Variants in SSBP2 observed in about 807,000 individuals in gnomAD.
SSBP2 encodes the protein single stranded DNA binding protein 2.
SSBP2 carries 17 observed loss-of-function variants against 61.8 expected under a neutral mutation model. The observed-to-expected ratio is 0.28, with a 90% CI of 0.19 to 0.41. SSBP2 has a LOEUF of 0.41. Among genes scored for constraint, SSBP2 ranks in the 10% least tolerant of loss-of-function variants. SSBP2 has a pLI of 1.00. For missense variants in SSBP2, 310 were observed against 458.7 expected (o/e 0.68, Z 2.96); for synonymous variants, 139 against 141.3 (o/e 0.98, Z 0.12).
chr5:81,636,451 T>C, intron 3 of SSBP2, 106 bp downstream of exon 3: 4 of 957,370 alleles, frequency 4.2e-6, no homozygotes, highest in Non-Finnish European at 6.0e-6. Context: ...CAGAAAATTT[T>C]AGAAAATGAA....
chr5:81,552,754 G>A (rs1391789858), intron 4 of SSBP2, among the ~76,000 whole-genome samples: 1 of 151,718 alleles, frequency 6.6e-6, no homozygotes, highest in Non-Finnish European at 1.5e-5. Context: ...CAAAAATACA[G>A]TTTTGGATTC....
At chr5:81,440,192 AAAC>A (rs988694712) in intron 14 of SSBP2, among the ~76,000 whole-genome samples, 9 of 147,456 alleles carry the variant, frequency 6.1e-5, no homozygotes, top group South Asian at 4.2e-4. Context: ...TCTAGAGACA[AAAC>A]AACAACAACA....
intron 4 of SSBP2, among the ~76,000 whole-genome samples, chr5:81,517,243 A>G (rs1343681130): frequency 6.6e-6 from 1 of 151,982 alleles, no homozygotes; most frequent in African/African-American, 2.4e-5. Flanking sequence ...ATATAACAAT[A>G]TTATCATTAA....
At chr5:81,510,496 C>T (rs191296137) in intron 5 of SSBP2, among the ~76,000 whole-genome samples, 3 of 152,306 alleles carry the variant, frequency 2.0e-5, no homozygotes, top group Non-Finnish European at 4.4e-5. Context: ...GGCACAGTGG[C>T]TCACGCTTGT....
chr5:81,450,484 C>A (rs1763698494), intron 10 of SSBP2, among the ~76,000 whole-genome samples: 1 of 152,164 alleles, frequency 6.6e-6, no homozygotes, highest in African/African-American at 2.4e-5. Flanking sequence ...AAGATACAAT[C>A]TAATTAGCCT....
chr5:81,612,814 G>A (rs565344213), intron 4 of SSBP2, among the ~76,000 whole-genome samples: 1 of 151,892 alleles, frequency 6.6e-6, no homozygotes, highest in East Asian at 1.9e-4. Flanking sequence ...CATTATAGAA[G>A]TAATTCTGTA....
intron 3 of SSBP2, among the ~76,000 whole-genome samples, chr5:81,630,723 G>T (rs1032503408): frequency 6.7e-6 from 1 of 150,246 alleles, no homozygotes; most frequent in African/African-American, 2.5e-5. Context: ...GAAAAAAATG[G>T]CACATTTAAA....
chr5:81,745,595 G>GT (rs1434521593), intron 1 of SSBP2, among the ~76,000 whole-genome samples: 4 of 152,002 alleles, frequency 2.6e-5, no homozygotes, highest in Non-Finnish European at 5.9e-5. Context: ...TATATAATCT[G>GT]TAATTCCCAC....
chr5:81,697,843 T>C (rs1013025556), intron 1 of SSBP2, among the ~76,000 whole-genome samples: 12 of 152,114 alleles, frequency 7.9e-5, no homozygotes, highest in Non-Finnish European at 1.8e-4. Flanking sequence ...TACTCAAATA[T>C]CCAAATGATG....
chr5:81,498,713 C>G (rs1341352485), intron 5 of SSBP2, among the ~76,000 whole-genome samples: 1 of 151,846 alleles, frequency 6.6e-6, no homozygotes, highest in Admixed American at 6.6e-5. Context: ...TGTTGCTATT[C>G]TATATTTTAC....
At chr5:81,533,014 C>T (rs1770536904) in intron 4 of SSBP2, among the ~76,000 whole-genome samples, 1 of 151,782 alleles carries the variant, frequency 6.6e-6, no homozygotes, top group South Asian at 2.1e-4. Flanking sequence ...AATACTAGAA[C>T]CAATCTCTAC....
chr5:81,623,790 T>C (rs1254692329), intron 3 of SSBP2, among the ~76,000 whole-genome samples: 1 of 152,190 alleles, frequency 6.6e-6, no homozygotes, highest in Admixed American at 6.5e-5. Context: ...CTTATAATAG[T>C]AACATTGTTC....
intron 4 of SSBP2, among the ~76,000 whole-genome samples, chr5:81,609,827 T>C (rs2153583944): frequency 6.6e-6 from 1 of 152,292 alleles, no homozygotes; most frequent in Non-Finnish European, 1.5e-5. Context: ...GTCTTTGTTT[T>C]AACCTTTTTT....
chr5:81,436,621 G>C (rs1274762460), intron 15 of SSBP2, among the ~76,000 whole-genome samples: 1 of 151,938 alleles, frequency 6.6e-6, no homozygotes, highest in Non-Finnish European at 1.5e-5. Flanking sequence ...ATTAGAAATA[G>C]AATTTCAAAA....
intron 1 of SSBP2, among the ~76,000 whole-genome samples, chr5:81,676,766 T>G (rs140052101): frequency 6.6e-6 from 1 of 152,142 alleles, no homozygotes; most frequent in Non-Finnish European, 1.5e-5. Flanking sequence ...TGACTGAGTA[T>G]AGTAGCTAGT....
intron 5 of SSBP2, among the ~76,000 whole-genome samples, chr5:81,490,698 T>G (rs1298605675): frequency 1.3e-5 from 2 of 152,188 alleles, no homozygotes; most frequent in East Asian, 3.8e-4. Flanking sequence ...AAAATCCTAA[T>G]TAATGCTGTA....
At chr5:81,724,828 G>A (rs146942867) in intron 1 of SSBP2, among the ~76,000 whole-genome samples, 48 of 152,088 alleles carry the variant, frequency 3.2e-4, no homozygotes, top group Non-Finnish European at 5.4e-4. Context: ...CTTATCAAAC[G>A]CAGCTACGAT....
intron 1 of SSBP2, among the ~76,000 whole-genome samples, chr5:81,696,245 G>A (rs1056044850): frequency 4.6e-5 from 7 of 152,046 alleles, no homozygotes; most frequent in Non-Finnish European, 8.8e-5. Context: ...TTCTAGGTGC[G>A]AAGGATTCTC....
chr5:81,453,639 G>C (rs1210525278), intron 10 of SSBP2, among the ~76,000 whole-genome samples: 1 of 151,888 alleles, frequency 6.6e-6, no homozygotes, highest in Non-Finnish European at 1.5e-5. Flanking sequence ...TGTATTTTTA[G>C]TAGAGACGGG....
Sources: allele counts gnomAD v4.1 joint callset (sites outside exome capture counted in the v4.1 genomes callset), GRCh38; gene constraint gnomAD v4.1.1; transcripts MANE v1.5; gene names NCBI Gene and HGNC (gene_info 2026-07-23, HGNC 2026-07-21).